EIF4G3: variants seen among roughly 807,000 people sequenced by gnomAD.
EIF4G3 encodes the protein eukaryotic translation initiation factor 4 gamma 3.
EIF4G3 carries 34 observed loss-of-function variants against 186.4 expected under a neutral mutation model. The ratio of observed to expected loss-of-function variants is 0.18; its 90% confidence interval spans 0.14 to 0.24. The LOEUF (loss-of-function observed/expected upper bound fraction) is 0.24, where lower values mean the gene tolerates loss of function less well. EIF4G3 is among the 10% of genes least tolerant of loss of function. The probability of loss-of-function intolerance (pLI) is 1.00; values close to 1 mark genes in which losing one functional copy is unlikely to be tolerated. For missense variants in EIF4G3, 1,536 were observed against 1,948.5 expected, an observed-to-expected ratio of 0.79 and a Z score of 3.99; for synonymous variants, 673 against 679.5, an observed-to-expected ratio of 0.99 and a Z score of 0.15.
intron 11 of EIF4G3, among the ~76,000 whole-genome samples, chr1:20,969,827 T>C (rs931132877): frequency 9.9e-5 from 15 of 152,222 alleles, no homozygotes; most frequent in African/African-American, 3.4e-4. Flanking sequence ...TGGCTGGATT[T>C]CTAGGTCAAA....
intron 4 of EIF4G3, 144 bp from the exon 5 acceptor site, chr1:21,002,952 T>C (rs2083919123): frequency 2.0e-6 from 1 of 503,940 alleles, no homozygotes; most frequent in Non-Finnish European, 3.5e-6. Flanking sequence ...TTTATTACAA[T>C]ATCCAGTAAC....
chr1:20,825,249 C>CAAAAA, intron 32 of EIF4G3, 51 bp from the exon 33 acceptor site: 5 of 213,756 alleles, frequency 2.3e-5, no homozygotes, highest in South Asian at 1.2e-4. Context: ...GAAGAAGAAA[C>CAAAAA]AGAAAAAAAA....
At chr1:20,847,816 C>A (rs2071673466) in intron 29 of EIF4G3, 1 of 471,642 alleles carries the variant, frequency 2.1e-6, no homozygotes. Flanking sequence ...CTCCACCTCA[C>A]TCATCATCAA....
At chr1:20,815,892 T>C (rs1275490586) in intron 34 of EIF4G3, among the ~76,000 whole-genome samples, 59 of 59,612 alleles carry the variant, frequency 9.9e-4, no homozygotes, top group African/African-American at 1.5e-3. Flanking sequence ...GTCAGCCCCC[T>C]GCCCGGCCAG....
rs55649192 is a variant in EIF4G3 at position 21,075,570 on chromosome 1, C to CAA, written c.-196+13566_-196+13567dup. Among the ~76,000 whole-genome samples the CAA allele has an allele frequency of 5.6e-3, 289 of 51,532 alleles. 24 individuals carry two copies. The highest frequency in any genetic ancestry group is 0.018 in the Middle Eastern group (1 of 56). The allele number at this position is 51,532 out of a possible 152,430, so 33.8% of individuals were successfully genotyped here. A position where few individuals can be genotyped will look rare whatever the true frequency, so the allele number is the denominator to read the frequency against. Reference sequence around the variant, plus strand: ...GGCAACAGAGTGAGACTCCAACTCACAAAAAAAAAAAAAAAAAAAAAAAAA... The same window carrying CAA: ...GGCAACAGAGTGAGACTCCAACTCACAAAAAAAAAAAAAAAAAAAAAAAAAAA... On this transcript the variant is annotated intron_variant, in intron 3 of 36. Transcript: ENST00000602326.
At chr1:21,133,163 A>G (rs2097184269) in intron 2 of EIF4G3, among the ~76,000 whole-genome samples, 1 of 152,226 alleles carries the variant, frequency 6.6e-6, no homozygotes, top group South Asian at 2.1e-4. Context: ...ACAATGTAGC[A>G]GATTTAAATA....
intron 13 of EIF4G3, among the ~76,000 whole-genome samples, chr1:20,944,948 G>C (rs1573295023): frequency 6.6e-6 from 1 of 152,076 alleles, no homozygotes; most frequent in African/African-American, 2.4e-5. Flanking sequence ...GAGGCTGCAG[G>C]GAGCTGTCAT....
chr1:21,026,002 T>C (rs757413164), intron 4 of EIF4G3, among the ~76,000 whole-genome samples: 16 of 152,238 alleles, frequency 1.1e-4, no homozygotes, highest in Middle Eastern at 3.4e-3. Flanking sequence ...TTCAATGCAA[T>C]CTCTATCAAA....
At chr1:21,067,408 C>T (rs2095286027) in intron 3 of EIF4G3, among the ~76,000 whole-genome samples, 1 of 152,070 alleles carries the variant, frequency 6.6e-6, no homozygotes, top group Non-Finnish European at 1.5e-5. Context: ...GCTAGGATTA[C>T]AGGCATGAGC....
At chr1:21,082,591 AAACAAAAAAAC>A (rs1213578853) in intron 3 of EIF4G3, among the ~76,000 whole-genome samples, 1 of 151,972 alleles carries the variant, frequency 6.6e-6, no homozygotes, top group Non-Finnish European at 1.5e-5. Context: ...ACCTCAAAAC[AAACAAAAAAAC>A]AACAAAAAAG....
chr1:20,970,997 T>C (rs1569955045), intron 11 of EIF4G3, among the ~76,000 whole-genome samples: 1 of 152,286 alleles, frequency 6.6e-6, no homozygotes, highest in South Asian at 2.1e-4. Flanking sequence ...CTACATGAAC[T>C]GACACAGAAT....
At position 21,051,001 on chromosome 1, in the gene EIF4G3, G is replaced by A. The variant is rs537729689; in HGVS notation, c.-195-7C>T. The A allele has an allele frequency of 4.5e-5, 32 of 717,152 alleles. No homozygotes were observed. The highest frequency in any genetic ancestry group is 3.8e-4 in the South Asian group (26 of 67,566). 44.4% of individuals were successfully genotyped at this position (717,152 alleles called of 1,614,324 possible). ...GTCTTGCCACTTGTGTTACCTGTGA[G>A]GAAATCAATATTTAGTAAGAACATT... On this transcript the variant is annotated splice_region_variant and splice_polypyrimidine_tract_variant and intron_variant, in intron 3 of 36. Coordinates refer to ENST00000602326, the MANE Select transcript of EIF4G3 (RefSeq NM_001391906.1).
chr1:20,834,580 A>C (rs2066212292), intron 30 of EIF4G3, among the ~76,000 whole-genome samples: 1 of 152,248 alleles, frequency 6.6e-6, no homozygotes, highest in Admixed American at 6.5e-5. Context: ...AAAAGAGGGC[A>C]GGGGTAGCTA....
intron 34 of EIF4G3, among the ~76,000 whole-genome samples, chr1:20,816,803 C>T (rs1378688592): frequency 1.1e-5 from 1 of 92,626 alleles, no homozygotes; most frequent in East Asian, 5.1e-4. Flanking sequence ...AATAGAAAGG[C>T]GGGAAGGGTG....
At chr1:20,923,380 CTGTTTTTACTGCTCTG>C (rs1410754783) in intron 14 of EIF4G3, among the ~76,000 whole-genome samples, 4 of 152,098 alleles carry the variant, frequency 2.6e-5, no homozygotes, top group Non-Finnish European at 1.5e-5. Flanking sequence ...TTCTAGGCCT[CTGTTTTTACTGCTCTG>C]TGTTTTAGGC....
In EIF4G3 at chr1:20,817,504, G is replaced by C; in HGVS notation, c.4403C>G (p.Ser1468Cys). The change falls in exon 34 of 37, where the codon TCC becomes TGC. Residue 1468 changes from serine to cysteine, a missense_variant. This residue lies in a region of EIF4G3 where 395 missense variants were observed against 498.9 expected (regional missense o/e 0.79). Coordinates refer to ENST00000602326, the MANE Select transcript of EIF4G3 (RefSeq NM_001391906.1). ...LDFIESDSPC[S>C]SEALSKKELS... ...TTCTTTCTTTGAAAGTGCTTCAGAG[G>C]AACAGGGACTGTCAGACTCTATGAA... The C allele has an allele frequency of 6.2e-7, 1 of 1,605,496 alleles. No individual in the cohort carries two copies. The highest frequency in any genetic ancestry group is 2.2e-5 in the East Asian group (1 of 44,608).
intron 3 of EIF4G3, among the ~76,000 whole-genome samples, chr1:21,078,383 T>C (rs538853979): frequency 2.7e-4 from 41 of 151,948 alleles, no homozygotes; most frequent in Middle Eastern, 3.4e-3. Flanking sequence ...TACTCCTATG[T>C]GGGAGTTAAA....
chr1:20,887,193 T>A (rs2084464295), intron 18 of EIF4G3, among the ~76,000 whole-genome samples: 1 of 151,766 alleles, frequency 6.6e-6, no homozygotes, highest in Non-Finnish European at 1.5e-5. Flanking sequence ...ATCATTCTGT[T>A]AGTGCTGGGC....
chr1:20,853,474 T>G (rs1364745366), intron 27 of EIF4G3, 86 bp downstream of exon 27: 5 of 784,510 alleles, frequency 6.4e-6, no homozygotes, highest in Non-Finnish European at 1.1e-5. Context: ...TCCATAAGGA[T>G]TGCTATCAAA....
Sources: allele counts gnomAD v4.1 joint callset (sites outside exome capture counted in the v4.1 genomes callset), GRCh38; gene constraint gnomAD v4.1.1; regional missense constraint gnomAD v4.1.1; transcripts MANE v1.5; gene names NCBI Gene and HGNC (gene_info 2026-07-23, HGNC 2026-07-21).